HDAC2: variants seen among roughly 807,000 people sequenced by gnomAD.
HDAC2 encodes the protein histone deacetylase 2.
A neutral mutation model predicts 68.5 loss-of-function variants in HDAC2; 5 were observed. That is an observed-to-expected ratio of 0.07 (90% CI 0.04 to 0.15). The LOEUF is 0.15. Among genes scored for constraint, HDAC2 ranks in the 10% least tolerant of loss-of-function variants. HDAC2 has a pLI of 1.00. For missense variants in HDAC2, 291 were observed against 600.8 expected (o/e 0.48, Z 5.39); for synonymous variants, 182 against 191.3 (o/e 0.95, Z 0.40).
At position 113,941,690 on chromosome 6, in the gene HDAC2, A is replaced by G. The variant is rs770869910; in HGVS notation, c.1436+18T>C. ...TTTTATAGTATGTAAAAAGTACTTG[A>G]TAAGGAACATCATTTACCCTTTGGT... On this transcript the variant is annotated intron_variant, in intron 13 of 13. Transcript: ENST00000519065. The G allele has an allele frequency of 3.3e-6, 4 of 1,196,912 alleles. No homozygotes were observed. The highest frequency in any genetic ancestry group is 1.4e-5 in the South Asian group (1 of 68,980). 74.1% of individuals were successfully genotyped at this position (1,196,912 alleles called of 1,614,324 possible).
At position 113,945,411 on chromosome 6, in the gene HDAC2, G is replaced by T; in HGVS notation, c.1042C>A (p.Pro348Thr). 6.4e-7 allele frequency: 1 copy of T among 1,565,708 alleles called. No homozygotes were observed. The highest frequency in any genetic ancestry group is 8.8e-7 in the Non-Finnish European group (1 of 1,136,462). Reference sequence around the variant, plus strand: ...GTGTTCTGGTTTGTCATGTTTGAAGGACTAATATGCAGTTTGAAGTCTGGT... The same window carrying T: ...GTGTTCTGGTTTGTCATGTTTGAAGTACTAATATGCAGTTTGAAGTCTGGT... ...FGPDFKLHIS[P>T]SNMTNQNTPE... Residue 348 changes from proline to threonine, a missense_variant, in exon 10 of 14, where the codon CCT (proline) becomes ACT (threonine). Around this residue, in one of 2 missense-constraint regions of HDAC2, gnomAD observed 154 missense variants for 472.1 expected, o/e 0.33. Coordinates refer to ENST00000519065, the MANE Select transcript of HDAC2 (RefSeq NM_001527.4).
intron 6 of HDAC2, among the ~76,000 whole-genome samples, chr6:113,949,843 G>C (rs542069821): frequency 1.3e-5 from 2 of 151,834 alleles, no homozygotes; most frequent in Non-Finnish European, 2.9e-5. Context: ...GCGCAATGGC[G>C]TGATCTCAGC....
intron 1 of HDAC2, chr6:113,969,716 C>G (rs1299858421): frequency 6.6e-6 from 1 of 152,222 alleles, no homozygotes; most frequent in African/African-American, 2.4e-5. Flanking sequence ...TGTTACTGCT[C>G]ATACTCCAAA....
In HDAC2 at chr6:113,953,304, T is replaced by C. The variant is rs1776466131; in HGVS notation, c.612A>G (p.Glu204=). 6.2e-7 allele frequency: 1 copy of C among 1,611,142 alleles called. No homozygotes were observed. The highest frequency in any genetic ancestry group is 8.5e-7 in the Non-Finnish European group (1 of 1,177,788). Residue 204 remains glutamate (E), a synonymous_variant, in exon 6 of 14, where the codon GAA becomes GAG. Transcript: ENST00000519065. ...VMTVSFHKYG[E]YFPGTGDLRD... The stretch of plus-strand genomic sequence containing the variant: ...TCAAGTCTCCTGTGCCAGGAAAGTA[T>C]TCCCCATATTTATGGAATGATACCG...
At chr6:113,954,985 C>A (rs1484675356) in intron 5 of HDAC2, among the ~76,000 whole-genome samples, 1 of 152,102 alleles carries the variant, frequency 6.6e-6, no homozygotes, top group Non-Finnish European at 1.5e-5. Context: ...AGAACAAAGC[C>A]TCATTCAGAT....
intron 5 of HDAC2, chr6:113,955,777 G>T: frequency 2.6e-6 from 1 of 378,284 alleles, no homozygotes; most frequent in Admixed American, 4.5e-5. Flanking sequence ...TCCCAAAGTG[G>T]AGGGATTACA....
chr6:113,946,685 C>T (rs148366652), intron 8 of HDAC2: 26 of 152,052 alleles, frequency 1.7e-4, no homozygotes, highest in African/African-American at 5.8e-4. Context: ...TCAACTTCTA[C>T]GTGTAGAAAT....
intron 3 of HDAC2, 96 bp from the exon 4 acceptor site, chr6:113,956,789 G>T: frequency 1.2e-6 from 1 of 827,970 alleles, no homozygotes; most frequent in Non-Finnish European, 2.0e-6. Flanking sequence ...TTTTTTGCTT[G>T]ATGCAATCAT....
intron 1 of HDAC2, chr6:113,968,797 T>G (rs1049158010): frequency 1.3e-5 from 2 of 152,160 alleles, no homozygotes; most frequent in Non-Finnish European, 2.9e-5. Context: ...CTGCTCCCAT[T>G]CCCACAACGA....
At chr6:113,969,756 C>T (rs1776930307) in intron 1 of HDAC2, 1 of 152,210 alleles carries the variant, frequency 6.6e-6, no homozygotes, top group African/African-American at 2.4e-5. Context: ...ATTAAATTAT[C>T]TGACTTTTAT....
intron 13 of HDAC2, among the ~76,000 whole-genome samples, chr6:113,941,328 A>C (rs186339266): frequency 6.6e-6 from 1 of 152,230 alleles, no homozygotes; most frequent in Non-Finnish European, 1.5e-5. Flanking sequence ...ATGCTTTCTG[A>C]CACTAAAATC....
chr6:113,955,374 C>T (rs1582488680), intron 5 of HDAC2, among the ~76,000 whole-genome samples: 2 of 151,594 alleles, frequency 1.3e-5, no homozygotes, highest in Non-Finnish European at 2.9e-5. Flanking sequence ...CCACCACGCC[C>T]GGCTAATTTT....
chr6:113,962,519 T>C (rs1316466618), intron 1 of HDAC2: 2 of 161,128 alleles, frequency 1.2e-5, no homozygotes, highest in Admixed American at 6.5e-5. Flanking sequence ...TTTTTACTAA[T>C]AGGGTCCTCA....
At chr6:113,954,313 C>G (rs1331745027) in intron 5 of HDAC2, among the ~76,000 whole-genome samples, 1 of 152,114 alleles carries the variant, frequency 6.6e-6, no homozygotes, top group East Asian at 1.9e-4. Context: ...ATTGATATTT[C>G]CAGACTAAGC....
intron 5 of HDAC2, among the ~76,000 whole-genome samples, chr6:113,955,681 A>AT (rs565205987): frequency 1.3e-5 from 2 of 151,106 alleles, no homozygotes; most frequent in Admixed American, 6.6e-5. Context: ...CATCTGGCTA[A>AT]TTTTTTTTCT....
rs574198442 is a variant in HDAC2, at chr6:113,951,622, C to G, written c.639+1655G>C. On this transcript the variant is annotated intron_variant, in intron 6 of 13. Coordinates refer to ENST00000519065, the MANE Select transcript of HDAC2 (RefSeq NM_001527.4). ...AGCTGGGACTACAAGCGCCCACCAC[C>G]ACGCCCGGCTAATTTTTTGTATTTT... Among the ~76,000 whole-genome samples the G allele has an allele frequency of 4.6e-5, 7 of 152,132 alleles. No homozygotes were observed. The South Asian group carries it at 1.5e-3, about 32-fold the overall frequency.
chr6:113,968,574 T>G (rs879331606), intron 1 of HDAC2: 3 of 152,180 alleles, frequency 2.0e-5, no homozygotes, highest in Admixed American at 6.5e-5. Context: ...ATGTGAAACA[T>G]AAGCAACTAG....
chr6:113,964,681 A>G (rs1160329365), intron 1 of HDAC2, among the ~76,000 whole-genome samples: 1 of 152,208 alleles, frequency 6.6e-6, no homozygotes, highest in Non-Finnish European at 1.5e-5. Flanking sequence ...AAGCTGAGAA[A>G]TCCCAAATTT....
At chr6:113,956,262 T>C (rs1776549944) in intron 4 of HDAC2, 111 bp from the exon 5 acceptor site, 1 of 907,914 alleles carries the variant, frequency 1.1e-6, no homozygotes, top group Non-Finnish European at 1.7e-6. Flanking sequence ...CTTAAAATCA[T>C]GAAAGTTAAC....
Sources: gnomAD v4.1 joint callset for allele counts (sites outside exome capture counted in the v4.1 genomes callset) on GRCh38, gnomAD v4.1.1 for gene constraint, gnomAD v4.1.1 regional missense constraint, MANE v1.5 for transcripts, NCBI Gene and HGNC (gene_info 2026-07-23, HGNC 2026-07-21) for gene names.